PSMD1: variants seen among roughly 807,000 people sequenced by gnomAD.
PSMD1 encodes the protein 26S proteasome non-ATPase regulatory subunit 1.
Under a neutral mutation model 119.0 loss-of-function variants are expected in PSMD1, and 18 were observed. That is an observed-to-expected ratio of 0.15 (90% CI 0.10 to 0.22). PSMD1 has a LOEUF of 0.22. Ranked by LOEUF, PSMD1 falls within the 10% of genes least tolerant of loss-of-function variation. The pLI is 1.00. For synonymous variants in PSMD1, 374 were observed against 396.6 expected, an observed-to-expected ratio of 0.94 and a Z score of 0.68; for missense variants, 702 against 1,158.5, an observed-to-expected ratio of 0.61 and a Z score of 5.72.
chr2:231,068,744 T>C (rs927805923), intron 5 of PSMD1, among the ~76,000 whole-genome samples: 2 of 152,184 alleles, frequency 1.3e-5, no homozygotes, highest in Non-Finnish European at 2.9e-5. Context: ...ATCACAGTGC[T>C]TGTGTTCAGA....
chr2:231,135,515 A>G (rs1243582741), intron 16 of PSMD1, among the ~76,000 whole-genome samples: 1 of 152,176 alleles, frequency 6.6e-6, no homozygotes, highest in African/African-American at 2.4e-5. Flanking sequence ...TTTAGACTTC[A>G]TGGTTCCCTC....
At chr2:231,060,989 A>G (rs959001427) in intron 1 of PSMD1, among the ~76,000 whole-genome samples, 1 of 152,232 alleles carries the variant, frequency 6.6e-6, no homozygotes, top group Non-Finnish European at 1.5e-5. Context: ...TATTTCTAAC[A>G]GGTTCCCAGG....
chr2:231,075,175 C>T (rs1694131640), intron 7 of PSMD1, among the ~76,000 whole-genome samples: 1 of 152,100 alleles, frequency 6.6e-6, no homozygotes, highest in Non-Finnish European at 1.5e-5. Flanking sequence ...AGTTGGGGTC[C>T]CAGCCCCTTC....
chr2:231,168,613 G>A (rs939280180), intron 23 of PSMD1, among the ~76,000 whole-genome samples: 6 of 152,186 alleles, frequency 3.9e-5, no homozygotes, highest in Admixed American at 6.5e-5. Context: ...CTATAGAGAC[G>A]AGTTAGATTG....
intron 19 of PSMD1, 102 bp from the exon 20 acceptor site, chr2:231,161,238 T>TAAAAAA: frequency 1.0e-6 from 1 of 958,684 alleles, no homozygotes; most frequent in Non-Finnish European, 1.5e-6. Context: ...CCTATCTCTT[T>TAAAAAA]AAAAAAAAAA....
At chr2:231,105,508 TAA>T (rs1356874997) in intron 16 of PSMD1, among the ~76,000 whole-genome samples, 3 of 152,028 alleles carry the variant, frequency 2.0e-5, no homozygotes, top group African/African-American at 7.2e-5. Flanking sequence ...CTGTTGATAT[TAA>T]GTTTCTATAA....
At chr2:231,093,989 C>T (rs1213214545) in intron 16 of PSMD1, among the ~76,000 whole-genome samples, 2 of 152,098 alleles carry the variant, frequency 1.3e-5, no homozygotes, top group South Asian at 2.1e-4. Context: ...TGGGTGGACT[C>T]TCCAGGAAAA....
chr2:231,057,855 T>A (rs1193542778), intron 1 of PSMD1, among the ~76,000 whole-genome samples: 1 of 152,262 alleles, frequency 6.6e-6, no homozygotes, highest in Admixed American at 6.5e-5. Flanking sequence ...TGCATATAGC[T>A]GTCCAGAGCC....
At chr2:231,077,437 T>C (rs1467551345) in intron 9 of PSMD1, among the ~76,000 whole-genome samples, 1 of 152,164 alleles carries the variant, frequency 6.6e-6, no homozygotes, top group Non-Finnish European at 1.5e-5. Flanking sequence ...ATGGAGCAGT[T>C]AGACAAATAG....
rs746024420 is a variant in PSMD1 at position 231,146,276 on chromosome 2, C to A, written c.2035C>A (p.Pro679Thr). 1 of 1,613,664 alleles carries A rather than the reference C, an allele frequency of 6.2e-7. No homozygotes were observed. Among genetic ancestry groups the A allele is most frequent in the Non-Finnish European group, 8.5e-7 (1 of 1,179,812 alleles). ...INLLEPMTND[P>T]VNYVRQGALI... ...TTTGCTAGAACCAATGACAAACGAC[C>A]CCGTGAACTACGTGAGGCAAGGGGC... Residue 679 changes from proline (P) to threonine (T), a missense_variant, in exon 18 of 25, where the codon CCC (proline) becomes ACC (threonine). Pro to Thr is a conservative substitution (Grantham distance 38, BLOSUM62 -1). Coordinates refer to ENST00000308696, the MANE Select transcript of PSMD1 (RefSeq NM_002807.4).
At chr2:231,065,353 C>T (rs1174161908) in intron 4 of PSMD1, among the ~76,000 whole-genome samples, 8 of 151,332 alleles carry the variant, frequency 5.3e-5, no homozygotes, top group South Asian at 4.2e-4. Context: ...AGTGCAGTGG[C>T]GCGATCTCGG....
intron 19 of PSMD1, among the ~76,000 whole-genome samples, chr2:231,158,219 G>A (rs1448238755): frequency 1.3e-5 from 2 of 152,080 alleles, no homozygotes; most frequent in African/African-American, 4.8e-5. Context: ...GCTGAGGCAC[G>A]AGAATTGCTT....
intron 17 of PSMD1, among the ~76,000 whole-genome samples, chr2:231,144,420 T>G (rs1420869874): frequency 1.3e-4 from 4 of 31,920 alleles, no homozygotes; most frequent in Admixed American, 8.9e-4. Context: ...CCCAGCTAAT[T>G]TTTTTTTTTT....
chr2:231,167,656 T>C (rs1214939512), intron 23 of PSMD1, among the ~76,000 whole-genome samples: 2 of 152,248 alleles, frequency 1.3e-5, no homozygotes. Context: ...AGCTGACTAC[T>C]AAGTTAAATG....
chr2:231,166,468 G>A (rs1016066398), intron 23 of PSMD1, among the ~76,000 whole-genome samples: 2 of 151,160 alleles, frequency 1.3e-5, no homozygotes, highest in Non-Finnish European at 2.9e-5. Context: ...ACTTGGGACT[G>A]CTCAATAAGT....
Position 231,109,560 on chromosome 2 carries a change from C to T in PSMD1, c.1883+22379C>T, listed in dbSNP as rs569925656. On this transcript the variant is annotated intron_variant, in intron 16 of 24. Coordinates refer to ENST00000308696, the MANE Select transcript of PSMD1 (RefSeq NM_002807.4). ...ATGCAGGATTTGTCGAAGCATTCAT[C>T]AGTGAAGATTTGACAAACAGAACCT... 1.0e-5 allele frequency: 7 copies of T among 690,394 alleles called. No individual in the cohort carries two copies. The East Asian group carries it at 1.9e-4, about 19-fold the overall frequency. 42.8% of individuals were successfully genotyped at this position (690,394 alleles called of 1,614,324 possible). A position where few individuals can be genotyped will look rare whatever the true frequency, so the allele number is the denominator to read the frequency against.
chr2:231,123,353 T>A, intron 16 of PSMD1: 1 of 1,193,074 alleles, frequency 8.4e-7, no homozygotes, highest in Non-Finnish European at 1.3e-6. Context: ...TGAGTGTCCA[T>A]TCTCTAATAG....
chr2:231,114,820 A>G (rs935401450), intron 16 of PSMD1, among the ~76,000 whole-genome samples: 17 of 152,206 alleles, frequency 1.1e-4, no homozygotes, highest in Non-Finnish European at 2.5e-4. Flanking sequence ...AATTTAATAT[A>G]TTATGCATTA....
chr2:231,062,215 A>G lies in PSMD1; in HGVS notation c.61-33A>G, dbSNP rs756270702. On this transcript the variant is annotated intron_variant, in intron 2 of 24. Transcript: ENST00000308696. ...TTTAAGGAAGTGTAATGATAAGTCTATCTCAAAATAGGATTTTGGTTATCT... is the reference window on the plus strand; with the variant it reads ...TTTAAGGAAGTGTAATGATAAGTCTGTCTCAAAATAGGATTTTGGTTATCT... 9 of 1,455,612 alleles carry G rather than the reference A, an allele frequency of 6.2e-6. No homozygotes were observed. In the East Asian group the frequency reaches 1.6e-4, roughly 26 times the overall value. The allele number at this position is 1,455,612 out of a possible 1,614,324, so 90.2% of individuals were successfully genotyped here.
Sources: gnomAD v4.1 joint callset for allele counts (sites outside exome capture counted in the v4.1 genomes callset) on GRCh38, gnomAD v4.1.1 for gene constraint, MANE v1.5 for transcripts, NCBI Gene and HGNC (gene_info 2026-07-23, HGNC 2026-07-21) for gene names.